LAS1L: variants seen among roughly 807,000 people sequenced by gnomAD.
LAS1L encodes LAS1 like ribosome biogenesis factor, also known as ribosomal biogenesis protein LAS1L.
In LAS1L, 5 loss-of-function variants were observed where a neutral mutation model predicts 57.3. The observed-to-expected ratio is 0.09, with a 90% CI of 0.05 to 0.18. LAS1L has a LOEUF of 0.18. Among genes scored for constraint, LAS1L ranks in the 10% least tolerant of loss-of-function variants. LAS1L has a pLI of 1.00. For missense variants in LAS1L, 360 were observed against 568.3 expected (o/e 0.63, Z 3.73); for synonymous variants, 245 against 231.7 (o/e 1.06, Z -0.52).
rs2148313376 is a variant in LAS1L, at chrX:65,529,799, C to T, written c.594G>A (p.Glu198=). The T allele has an allele frequency of 8.3e-7, 1 of 1,211,449 alleles. No individual in the cohort carries two copies. The highest frequency in any genetic ancestry group is 1.1e-6 in the Non-Finnish European group (1 of 895,170). Residue 198 remains glutamate (E), a synonymous_variant, in exon 5 of 14, where the codon GAG becomes GAA. Coordinates refer to ENST00000374811, the MANE Select transcript of LAS1L (RefSeq NM_031206.7). ...CTATCCCTTCCCTGAACTCCTCCAA[C>T]TCCCAGGTCTCTCTCAGGCTGTTCT... is the stretch of plus-strand genomic sequence containing the variant. The part of the protein sequence containing the change: ...QLENSLRETW[E]LEEFREGIEE...
chrX:65,512,820 G>A lies in LAS1L; in HGVS notation c.2160C>T (p.Ser720=). The change falls in exon 14 of 14, where the codon AGC becomes AGT. Residue 720 remains serine, a synonymous_variant. Transcript: ENST00000374811. Reference sequence around the variant, plus strand: ...TTTTGAGCCCATGCAGCTGCCCCTGGCTCCAGAGAAGGCCCTCGAAGTTGC... The same window carrying A: ...TTTTGAGCCCATGCAGCTGCCCCTGACTCCAGAGAAGGCCCTCGAAGTTGC... ...SSSNFEGLLW[S]QGQLHGLKTG... is the part of the protein sequence containing the mutation. The A allele has an allele frequency of 8.6e-7, 1 of 1,168,085 alleles. No homozygotes were observed. The highest frequency in any genetic ancestry group is 1.1e-6 in the Non-Finnish European group (1 of 873,114).
chrX:65,517,650 G>T (rs2148269067), intron 12 of LAS1L, among the ~76,000 whole-genome samples: 1 of 112,411 alleles, frequency 8.9e-6, no homozygotes, highest in African/African-American at 3.2e-5. Context: ...CTGTCTCACT[G>T]CAAGTGAAAA....
rs2069402073 is a variant in LAS1L, at chrX:65,530,268, G to A, written c.515-390C>T. ...CCAGGATTCTTAATCGGGATGGGGTGGATGTCCAAGGAACCCTTGGGTTCA... is the reference window on the plus strand; with the variant it reads ...CCAGGATTCTTAATCGGGATGGGGTAGATGTCCAAGGAACCCTTGGGTTCA... On this transcript the variant is annotated intron_variant, in intron 4 of 13. Coordinates refer to ENST00000374811, the MANE Select transcript of LAS1L (RefSeq NM_031206.7). Among the ~76,000 whole-genome samples, 3 of 112,069 alleles carry A rather than the reference G, an allele frequency of 2.7e-5. No homozygotes were observed. The Admixed American group carries it at 2.8e-4, about 11-fold the overall frequency.
At chrX:65,530,776 T>C (rs1387558931) in intron 4 of LAS1L, among the ~76,000 whole-genome samples, 2 of 102,756 alleles carry the variant, frequency 1.9e-5, no homozygotes, top group African/African-American at 7.3e-5. Flanking sequence ...ATTGCGCCAC[T>C]GCACTCCAGC....
At position 65,524,996 on chromosome X, in the gene LAS1L, T is replaced by C; in HGVS notation, c.1011A>G (p.Glu337=). Residue 337 remains glutamate (E), a synonymous_variant, in exon 8 of 14, where the codon GAA becomes GAG. Transcript: ENST00000374811. ...ATTCTATCTGCAAAGCTGCCAACTGTTCAAATGTGGGGACAAGGAAGCCAT... is the reference window on the plus strand; with the variant it reads ...ATTCTATCTGCAAAGCTGCCAACTGCTCAAATGTGGGGACAAGGAAGCCAT... ...LDDGFLVPTF[E]QLAALQIEYE... 9.9e-6 allele frequency: 12 copies of C among 1,210,016 alleles called. No homozygotes were observed. Among genetic ancestry groups the C allele is most frequent in the Non-Finnish European group, 1.2e-5 (11 of 894,694 alleles).
Position 65,532,591 on chromosome X carries a change from G to A in LAS1L, c.402C>T (p.Ala134=), listed in dbSNP as rs1429889417. Residue 134 remains alanine (A), a synonymous_variant, in exon 3 of 14, where the codon GCC becomes GCT. Transcript: ENST00000374811. ...GAGCCAGACACTTGAGGGGGACCTTGGCAAACTTTGTCTTCCTCTCTGAGA... is the reference window on the plus strand; with the variant it reads ...GAGCCAGACACTTGAGGGGGACCTTAGCAAACTTTGTCTTCCTCTCTGAGA... ...NLISERKTKF[A]KVPLKCLAQE... The A allele has an allele frequency of 8.3e-7, 1 of 1,209,029 alleles. No individual in the cohort carries two copies. The highest frequency in any genetic ancestry group is 2.2e-5 in the Admixed American group (1 of 46,089).
rs374599510 is a variant in LAS1L, at chrX:65,534,745, G to A, written c.-30C>T. On this transcript the variant is annotated 5_prime_UTR_variant, in exon 1 of 14. Coordinates refer to ENST00000374811, the MANE Select transcript of LAS1L (RefSeq NM_031206.7). Reference sequence around the variant, plus strand: ...AGCTCAACAACAGGCTCTGTGCCGCGCCGCTCCGCACAGCCTTCAGCTCAG... The same window carrying A: ...AGCTCAACAACAGGCTCTGTGCCGCACCGCTCCGCACAGCCTTCAGCTCAG... 1.2e-5 allele frequency: 13 copies of A among 1,095,464 alleles called. No homozygotes were observed. The African/African-American group carries it at 1.9e-4, about 16-fold the overall frequency. The allele number at this position is 1,095,464 out of a possible 1,213,427, so 90.3% of individuals were successfully genotyped here.
chrX:65,516,433 T>C (rs780418997), intron 12 of LAS1L, among the ~76,000 whole-genome samples: 1 of 110,736 alleles, frequency 9.0e-6, no homozygotes, highest in East Asian at 2.8e-4. Context: ...GGCGTGAACA[T>C]ACAGGCCATC....
chrX:65,515,528 C>T (rs1293482958), intron 12 of LAS1L, among the ~76,000 whole-genome samples: 10 of 110,692 alleles, frequency 9.0e-5, no homozygotes, highest in African/African-American at 3.3e-4. Context: ...TGCAGAGATA[C>T]ACACACACCC....
chrX:65,529,150 G>A, intron 6 of LAS1L, 62 bp downstream of exon 6: 2 of 946,193 alleles, frequency 2.1e-6, no homozygotes, highest in Admixed American at 2.2e-5. Flanking sequence ...TCAGGTAGCT[G>A]GCAAGAGGGA....
chrX:65,514,740 C>G, intron 13 of LAS1L, 83 bp downstream of exon 13: 2 of 987,394 alleles, frequency 2.0e-6, no homozygotes, highest in Admixed American at 6.7e-5. Context: ...AGCTACCTCC[C>G]CCACCCACCT....
chrX:65,534,343 C>A lies in LAS1L; in HGVS notation c.236+137G>T, dbSNP rs902514121. ...TAGCGCAAGAGATGGCTGCCGCGTTCCCCCAGGCATTTGGGAGAGGGACAA... is the reference window on the plus strand; with the variant it reads ...TAGCGCAAGAGATGGCTGCCGCGTTACCCCAGGCATTTGGGAGAGGGACAA... On this transcript the variant is annotated intron_variant, in intron 1 of 13. Coordinates refer to ENST00000374811, the MANE Select transcript of LAS1L (RefSeq NM_031206.7). 4 of 471,467 alleles carry A rather than the reference C, an allele frequency of 8.5e-6. No individual in the cohort carries two copies. In the East Asian group the frequency reaches 1.5e-4, roughly 17 times the overall value. 38.9% of individuals were successfully genotyped at this position (471,467 alleles called of 1,213,427 possible).
At chrX:65,527,950 C>T (rs145100335) in intron 7 of LAS1L, among the ~76,000 whole-genome samples, 63 of 112,366 alleles carry the variant, frequency 5.6e-4, no homozygotes, top group African/African-American at 2.0e-3. Flanking sequence ...TGGTAATTAT[C>T]AAGGGATTTT....
intron 13 of LAS1L, 66 bp from the exon 14 acceptor site, chrX:65,512,967 G>A: frequency 9.6e-7 from 1 of 1,040,951 alleles, no homozygotes; most frequent in Non-Finnish European, 1.3e-6. Flanking sequence ...GGCCAAGAGT[G>A]CTTGACATGT....
chrX:65,519,004 G>A, intron 11 of LAS1L: 1 of 745,434 alleles, frequency 1.3e-6, no homozygotes, highest in Non-Finnish European at 1.6e-6. Context: ...CTGGAATGGA[G>A]GAAAAGAAAA....
chrX:65,529,887 G>C lies in LAS1L; in HGVS notation c.515-9C>G, dbSNP rs1304228515. ...CAGGACAAAGTAGCAGCCTAGAGGG[G>C]GGAAGGCAGGCAGTGCCACAGGATC... On this transcript the variant is annotated splice_polypyrimidine_tract_variant and intron_variant, in intron 4 of 13. Coordinates refer to ENST00000374811, the MANE Select transcript of LAS1L (RefSeq NM_031206.7). The C allele has an allele frequency of 2.5e-6, 3 of 1,205,813 alleles. No individual in the cohort carries two copies. The African/African-American group carries it at 5.3e-5, about 21-fold the overall frequency.
chrX:65,514,809 C>T lies in LAS1L; in HGVS notation c.2078+14G>A. ...AGAAAGGGGGTGAGAAATCCTGTTGCCATGGGCACTCACTCAGTCTTGCAT... is the reference window on the plus strand; with the variant it reads ...AGAAAGGGGGTGAGAAATCCTGTTGTCATGGGCACTCACTCAGTCTTGCAT... On this transcript the variant is annotated intron_variant, in intron 13 of 13. Transcript: ENST00000374811. 11 of 1,163,172 alleles carry T rather than the reference C, an allele frequency of 9.5e-6. No homozygotes were observed. Among genetic ancestry groups the T allele is most frequent in the Non-Finnish European group, 1.2e-5 (10 of 866,777 alleles).
At chrX:65,515,081 G>C (rs1185775967) in intron 12 of LAS1L, 108 bp from the exon 13 acceptor site, 1 of 741,646 alleles carries the variant, frequency 1.3e-6, no homozygotes, top group Non-Finnish European at 1.9e-6. Flanking sequence ...GCACAGGTGG[G>C]CTCTCTCAGG....
At chrX:65,515,413 C>T (rs1260349145) in intron 12 of LAS1L, among the ~76,000 whole-genome samples, 1 of 110,560 alleles carries the variant, frequency 9.0e-6, no homozygotes, top group Non-Finnish European at 1.9e-5. Flanking sequence ...ACCTCCCCCT[C>T]AAACCCCAAA....
Sources: gnomAD v4.1 joint callset for allele counts (sites outside exome capture counted in the v4.1 genomes callset) on GRCh38, gnomAD v4.1.1 for gene constraint, MANE v1.5 for transcripts, NCBI Gene and HGNC (gene_info 2026-07-23, HGNC 2026-07-21) for gene names.